The following RABGAP1L variants were observed in gnomAD, a reference collection of about 807,000 sequenced individuals.
The protein encoded by RABGAP1L is rab GTPase-activating protein 1-like.
In RABGAP1L, 63 loss-of-function variants were observed where a neutral mutation model predicts 137.7. The ratio of observed to expected loss-of-function variants is 0.46; its 90% CI spans 0.37 to 0.56. RABGAP1L has a LOEUF of 0.56. Ranked by LOEUF, RABGAP1L falls within the 20% of genes least tolerant of loss-of-function variation. The pLI is 0.00. For missense variants in RABGAP1L, 1,095 were observed against 1,244.0 expected (o/e 0.88, Z 1.80); for synonymous variants, 431 against 433.7 (o/e 0.99, Z 0.08).
At chr1:174,637,846 A>C (rs1049402552) in intron 14 of RABGAP1L, among the ~76,000 whole-genome samples, 1 of 152,242 alleles carries the variant, frequency 6.6e-6, no homozygotes, top group Non-Finnish European at 1.5e-5. Flanking sequence ...GACAACAGGC[A>C]AGTGTAAGAA....
intron 19 of RABGAP1L, chr1:174,954,409 C>A (rs1447862599): frequency 6.6e-6 from 1 of 151,988 alleles, no homozygotes; most frequent in African/African-American, 2.4e-5. Context: ...AGTGTTATTG[C>A]CTTTTTTAAA....
In RABGAP1L at chr1:174,830,241, A is replaced by G. The variant is rs549821601; in HGVS notation, c.2340+18281A>G. Reference sequence around the variant, plus strand: ...CTGATTAGAAGCCATTCCTGTAACAATCTGCCACATTCATGCATGGAAAAT... The same window carrying G: ...CTGATTAGAAGCCATTCCTGTAACAGTCTGCCACATTCATGCATGGAAAAT... On this transcript the variant is annotated intron_variant, in intron 19 of 25. Coordinates refer to ENST00000681986, the MANE Select transcript of RABGAP1L (RefSeq NM_001366446.1). Among the ~76,000 whole-genome samples, 114 of 147,234 alleles carry G rather than the reference A, an allele frequency of 7.7e-4. 6 individuals are homozygous for G. Among genetic ancestry groups the G allele is most frequent in the African/African-American group, 2.7e-3 (109 of 40,454 alleles).
intron 13 of RABGAP1L, among the ~76,000 whole-genome samples, chr1:174,514,259 A>C (rs1013463949): frequency 6.6e-6 from 1 of 151,124 alleles, no homozygotes; most frequent in Admixed American, 6.6e-5. Context: ...AAAAAAAAAA[A>C]AAAAAAAAAA....
At position 174,219,200 on chromosome 1, in the gene RABGAP1L, G is replaced by C. The variant is rs147580824; in HGVS notation, c.43G>C (p.Asp15His). The change falls in exon 2 of 26, where the codon GAT becomes CAT. Residue 15 changes from aspartate (D) to histidine (H), a missense_variant. Asp to His is a moderately conservative substitution (Grantham distance 81). Around this residue, in one of 4 missense-constraint regions of RABGAP1L, gnomAD observed 356 missense variants for 326.3 expected, o/e 1.09. Transcript: ENST00000681986. ...ASLQKVSGSS[D>H]SVATMNSEEF... ...ATTACAGAAGGTTAGTGGATCATCT[G>C]ATTCTGTGGCTACAATGAACAGTGA... 171 of 1,603,990 alleles carry C rather than the reference G, an allele frequency of 1.1e-4. 1 individual carries two copies. The African/African-American group carries it at 2.1e-3, about 19-fold the overall frequency.
intron 11 of RABGAP1L, among the ~76,000 whole-genome samples, chr1:174,323,352 C>A (rs573930891): frequency 6.6e-6 from 1 of 152,084 alleles, no homozygotes; most frequent in South Asian, 2.1e-4. Context: ...CTATGTAAAT[C>A]TCACCTGAAA....
At chr1:174,654,392 A>C (rs983903618) in intron 14 of RABGAP1L, among the ~76,000 whole-genome samples, 1 of 152,192 alleles carries the variant, frequency 6.6e-6, no homozygotes, top group Non-Finnish European at 1.5e-5. Context: ...TAAACCCTAA[A>C]AGAGCATTCT....
At chr1:174,378,108 C>T (rs1571500743) in intron 12 of RABGAP1L, among the ~76,000 whole-genome samples, 1 of 146,252 alleles carries the variant, frequency 6.8e-6, no homozygotes, top group Non-Finnish European at 1.5e-5. Flanking sequence ...CTACAAAGGA[C>T]ATGAACTCAT....
chr1:174,567,019 C>G (rs1667629689), intron 13 of RABGAP1L, among the ~76,000 whole-genome samples: 1 of 152,082 alleles, frequency 6.6e-6, no homozygotes, highest in African/African-American at 2.4e-5. Flanking sequence ...TCTGTGTATA[C>G]ATATTGTATA....
intron 10 of RABGAP1L, among the ~76,000 whole-genome samples, chr1:174,282,368 T>G (rs1571905254): frequency 6.6e-6 from 1 of 152,174 alleles, no homozygotes; most frequent in East Asian, 1.9e-4. Flanking sequence ...CAATGTCAAT[T>G]TACATTTCAC....
At chr1:174,195,613 CTT>C (rs1667532647) in intron 1 of RABGAP1L, among the ~76,000 whole-genome samples, 1 of 69,050 alleles carries the variant, frequency 1.4e-5, no homozygotes, top group Non-Finnish European at 3.0e-5. Flanking sequence ...TTCTTTCTTT[CTT>C]TCTTCCTTCC....
intron 11 of RABGAP1L, among the ~76,000 whole-genome samples, chr1:174,340,147 A>G (rs1205763317): frequency 6.6e-6 from 1 of 152,234 alleles, no homozygotes; most frequent in Admixed American, 6.5e-5. Flanking sequence ...TATTTACATG[A>G]TATGAAACAT....
Position 174,992,983 on chromosome 1 carries a change from C to T in RABGAP1L, c.*2982C>T, listed in dbSNP as rs1458193549. ...ATATTTGCAGTATCTAAGAATTGAT[C>T]ATTTCTATTTTCATTAAATTCTGTG... On this transcript the variant is annotated 3_prime_UTR_variant, in exon 26 of 26. Transcript: ENST00000681986. 2 of 152,180 alleles carry T rather than the reference C, an allele frequency of 1.3e-5. No individual in the cohort carries two copies. Among genetic ancestry groups the T allele is most frequent in the Non-Finnish European group, 2.9e-5 (2 of 68,034 alleles). 9.4% of individuals were successfully genotyped at this position (152,180 alleles called of 1,614,324 possible).
At chr1:174,709,448 C>G (rs535835011) in intron 17 of RABGAP1L, among the ~76,000 whole-genome samples, 1 of 152,190 alleles carries the variant, frequency 6.6e-6, no homozygotes, top group South Asian at 2.1e-4. Flanking sequence ...CTGGCAGGTG[C>G]CCCTCTCTGA....
intron 13 of RABGAP1L, among the ~76,000 whole-genome samples, chr1:174,597,220 T>A (rs1447071727): frequency 6.6e-6 from 1 of 152,208 alleles, no homozygotes; most frequent in East Asian, 1.9e-4. Flanking sequence ...ATCAGGGTAA[T>A]ACTGCCCTCA....
chr1:174,503,580 G>A (rs1394060387), intron 13 of RABGAP1L, among the ~76,000 whole-genome samples: 2 of 150,962 alleles, frequency 1.3e-5, no homozygotes, highest in Non-Finnish European at 2.9e-5. Context: ...AGAATTGCCT[G>A]AACTCGGGAG....
chr1:174,540,213 A>C (rs988561069), intron 13 of RABGAP1L, among the ~76,000 whole-genome samples: 1 of 152,094 alleles, frequency 6.6e-6, no homozygotes, highest in Non-Finnish European at 1.5e-5. Flanking sequence ...AGATGGGTAG[A>C]TTGTAAAAAT....
At chr1:174,296,654 A>G (rs917526314) in intron 10 of RABGAP1L, among the ~76,000 whole-genome samples, 1 of 152,250 alleles carries the variant, frequency 6.6e-6, no homozygotes, top group African/African-American at 2.4e-5. Context: ...AGAATTTCGG[A>G]AAGTTCCCTT....
In RABGAP1L at chr1:174,272,422, G is replaced by A; in HGVS notation, c.995G>A (p.Gly332Glu). Residue 332 changes from glycine (G) to glutamate (E), a missense_variant, in exon 8 of 26, where the codon GGA becomes GAA. Gly to Glu is a moderately conservative substitution (Grantham distance 98, BLOSUM62 -2). Around this residue, in one of 4 missense-constraint regions of RABGAP1L, gnomAD observed 112 missense variants for 157.3 expected, o/e 0.71. Transcript: ENST00000681986. ...NKELAIERCF[G>E]MLLSPGRNVK... is the part of the protein sequence containing the mutation. ...TCCCCCAATATTTTCAGATGTTTTGGAATGTTATTAAGCCCAGGTCGAAAC... is the reference window on the plus strand; with the variant it reads ...TCCCCCAATATTTTCAGATGTTTTGAAATGTTATTAAGCCCAGGTCGAAAC... 1 of 1,600,834 alleles carries A rather than the reference G, an allele frequency of 6.2e-7. No individual in the cohort carries two copies. The highest frequency in any genetic ancestry group is 8.5e-7 in the Non-Finnish European group (1 of 1,175,026).
intron 13 of RABGAP1L, among the ~76,000 whole-genome samples, chr1:174,617,478 T>G (rs536835412): frequency 7.9e-5 from 12 of 152,334 alleles, no homozygotes; most frequent in African/African-American, 2.6e-4. Flanking sequence ...ACTAGAACTG[T>G]TATAGTCTCT....
Sources: allele counts gnomAD v4.1 joint callset (sites outside exome capture counted in the v4.1 genomes callset), GRCh38; gene constraint gnomAD v4.1.1; regional missense constraint gnomAD v4.1.1; transcripts MANE v1.5; gene names NCBI Gene and HGNC (gene_info 2026-07-23, HGNC 2026-07-21).